TOP3B: variants seen among roughly 807,000 people sequenced by gnomAD.
TOP3B encodes the protein DNA topoisomerase III beta.
Under a neutral mutation model 93.9 loss-of-function variants are expected in TOP3B, and 45 were observed. That is an observed-to-expected ratio of 0.48 (90% confidence interval 0.38 to 0.61). The LOEUF is 0.61. Among genes scored for constraint, TOP3B ranks in the 20% least tolerant of loss-of-function variants. The probability of loss-of-function intolerance (pLI) is 0.00; values close to 1 mark genes in which losing one functional copy is unlikely to be tolerated. For synonymous variants in TOP3B, 357 were observed against 472.6 expected (o/e 0.76, Z 3.17); for missense variants, 750 against 1,156.1 (o/e 0.65, Z 5.09).
At chr22:21,961,629 G>T in intron 13 of TOP3B, 1 of 153,046 alleles carries the variant, frequency 6.5e-6, no homozygotes, top group Non-Finnish European at 1.5e-5. Flanking sequence ...AGATCGCCAT[G>T]GTCACCAGGA....
intron 14 of TOP3B, 162 bp downstream of exon 14, chr22:21,960,159 G>C (rs532369690): frequency 5.2e-5 from 57 of 1,093,952 alleles, no homozygotes; most frequent in Middle Eastern, 6.1e-4. Flanking sequence ...CAGGTCCTGG[G>C]GGTCCTGGGG....
In TOP3B at chr22:21,970,662, G is replaced by C; in HGVS notation, c.385-256C>G. On this transcript the variant is annotated intron_variant, in intron 5 of 17. Coordinates refer to ENST00000357179, the MANE Select transcript of TOP3B (RefSeq NM_001282112.2). This position sits in a 1 kb window ranked among gnomAD's most constrained non-coding sequence, Gnocchi z 4.4. ...TTTACTCCCATCTAGAAACATACTCGAACACTCCCTTCTTACTCCCGCCCT... is the reference window on the plus strand; with the variant it reads ...TTTACTCCCATCTAGAAACATACTCCAACACTCCCTTCTTACTCCCGCCCT... The C allele has an allele frequency of 1.9e-6, 1 of 532,480 alleles. No individual in the cohort carries two copies. The highest frequency in any genetic ancestry group is 3.4e-6 in the Non-Finnish European group (1 of 294,106). 33.0% of individuals were successfully genotyped at this position (532,480 alleles called of 1,614,324 possible). A position where few individuals can be genotyped will look rare whatever the true frequency, so the allele number is the denominator to read the frequency against.
chr22:21,971,157 C>T lies in TOP3B; in HGVS notation c.384+720G>A. 1.3e-6 allele frequency: 1 copy of T among 791,978 alleles called. No homozygotes were observed. Among genetic ancestry groups the T allele is most frequent in the Non-Finnish European group, 1.8e-6 (1 of 544,536 alleles). 49.1% of individuals were successfully genotyped at this position (791,978 alleles called of 1,614,324 possible). On this transcript the variant is annotated intron_variant, in intron 5 of 17. Coordinates refer to ENST00000357179, the MANE Select transcript of TOP3B (RefSeq NM_001282112.2). The surrounding 1 kb of genome is among the most constrained non-coding windows in gnomAD (Gnocchi z 4.6). Reference sequence around the variant, plus strand: ...CGCCCTGCAGGGGAGGAGAGGGTATCTGGGAAGAGACAGAGTGTGATCGCA... The same window carrying T: ...CGCCCTGCAGGGGAGGAGAGGGTATTTGGGAAGAGACAGAGTGTGATCGCA...
At chr22:21,981,051 G>C (rs2084620547) in intron 1 of TOP3B, among the ~76,000 whole-genome samples, 1 of 152,302 alleles carries the variant, frequency 6.6e-6, no homozygotes, top group Admixed American at 6.5e-5. Context: ...GAGGCCAAAA[G>C]GGAAAACTCG....
At chr22:21,958,921 G>T in intron 16 of TOP3B, 1 of 1,027,266 alleles carries the variant, frequency 9.7e-7, no homozygotes, top group Non-Finnish European at 1.4e-6. Flanking sequence ...CATGGTGTTA[G>T]GGAAAAATGC....
In TOP3B at chr22:21,962,583, G is replaced by A; in HGVS notation, c.1371C>T (p.Pro457=). 1 of 1,613,304 alleles carries A rather than the reference G, an allele frequency of 6.2e-7. No homozygotes were observed. The highest frequency in any genetic ancestry group is 8.5e-7 in the Non-Finnish European group (1 of 1,179,888). Residue 457 remains proline (P), a synonymous_variant, in exon 13 of 18, where the codon CCC becomes CCT. Coordinates refer to ENST00000357179, the MANE Select transcript of TOP3B (RefSeq NM_001282112.2). Reference sequence around the variant, plus strand: ...TCTCCTCCAGGGGCACGCTCTGCCAGGGCATGACCTCCGTGAAGCCTGGAG... The same window carrying A: ...TCTCCTCCAGGGGCACGCTCTGCCAAGGCATGACCTCCGTGAAGCCTGGAG... ...VLSPGFTEVM[P]WQSVPLEESL... is the part of the protein sequence containing the mutation.
Position 21,962,434 on chromosome 22 carries a change from C to A in TOP3B, c.1520G>T (p.Gly507Val). ...GCCTGGGCAGGCGCACCCACCGATG[C>A]CATGCTTCTCCATGAGCGTGATGAG... ...AELITLMEKH[G>V]IGTDASIPVH... Residue 507 changes from glycine (G) to valine (V), a missense_variant, in exon 13 of 18, where the codon GGC becomes GTC. Transcript: ENST00000357179. 3 of 1,613,548 alleles carry A rather than the reference C, an allele frequency of 1.9e-6. No homozygotes were observed. The highest frequency in any genetic ancestry group is 2.5e-6 in the Non-Finnish European group (3 of 1,180,024).
chr22:21,969,415 A>C (rs1385277076), intron 6 of TOP3B: 1 of 152,172 alleles, frequency 6.6e-6, no homozygotes, highest in Non-Finnish European at 1.5e-5. Context: ...AGCCTGGCCA[A>C]CATGGTGAAA....
intron 2 of TOP3B, 92 bp downstream of exon 2, chr22:21,975,548 C>T: frequency 7.1e-7 from 1 of 1,400,342 alleles, no homozygotes; most frequent in South Asian, 1.5e-5. Context: ...ACCAAATCTA[C>T]CCCAGCCAGG....
intron 4 of TOP3B, chr22:21,972,364 G>A (rs1044467403): frequency 1.1e-5 from 5 of 472,358 alleles, no homozygotes; most frequent in Non-Finnish European, 1.9e-5. Flanking sequence ...AAAACCCCCC[G>A]ACCAAACAAG....
At chr22:21,958,285 C>A in intron 17 of TOP3B, 3 of 1,417,778 alleles carry the variant, frequency 2.1e-6, no homozygotes, top group South Asian at 2.9e-5. Context: ...GTTGCCTGCT[C>A]GATTCTGACA....
At chr22:21,962,647 C>T in intron 12 of TOP3B, 45 bp from the exon 13 acceptor site, 1 of 1,605,562 alleles carries the variant, frequency 6.2e-7, no homozygotes, top group Non-Finnish European at 8.5e-7. Flanking sequence ...GCCTGGGTGG[C>T]CGGGGCCTCA....
Position 21,963,116 on chromosome 22 carries a change from T to C in TOP3B, c.1205-223A>G. 1 of 526,404 alleles carries C rather than the reference T, an allele frequency of 1.9e-6. No homozygotes were observed. The highest frequency in any genetic ancestry group is 3.4e-6 in the Non-Finnish European group (1 of 292,108). The allele number at this position is 526,404 out of a possible 1,614,324, so 32.6% of individuals were successfully genotyped here. Reference sequence around the variant, plus strand: ...TGGGAGGCTAAGGTGGATGGATCACTTGAGGTCAGGAGTTTGAGACCAGCC... The same window carrying C: ...TGGGAGGCTAAGGTGGATGGATCACCTGAGGTCAGGAGTTTGAGACCAGCC... On this transcript the variant is annotated intron_variant, in intron 11 of 17. Transcript: ENST00000357179. The surrounding 1 kb of genome is among the most constrained non-coding windows in gnomAD (Gnocchi z 4.8).
chr22:21,974,718 C>T (rs764885979), intron 2 of TOP3B: 18 of 382,832 alleles, frequency 4.7e-5, no homozygotes, highest in Middle Eastern at 6.9e-4. Context: ...CGATGCAGAG[C>T]CCCAGGCTGC....
Position 21,965,345 on chromosome 22 carries a change from T to G in TOP3B, c.883A>C (p.Lys295Gln). ...VEATSRKEKA[K>Q]QRPLALNTVE... The stretch of plus-strand genomic sequence containing the variant: ...GTGTTCAGGGCCAGGGGCCTCTGCT[T>G]GGCCTTTTCTTTCCTGCTTGTGGCC... Residue 295 changes from lysine (K) to glutamine (Q), a missense_variant, in exon 9 of 18, where the codon AAG (lysine) becomes CAG (glutamine). Coordinates refer to ENST00000357179, the MANE Select transcript of TOP3B (RefSeq NM_001282112.2). 6.2e-7 allele frequency: 1 copy of G among 1,607,832 alleles called. No homozygotes were observed. The highest frequency in any genetic ancestry group is 1.3e-5 in the African/African-American group (1 of 74,728).
Position 21,970,678 on chromosome 22 carries a change from C to T in TOP3B, c.385-272G>A. On this transcript the variant is annotated intron_variant, in intron 5 of 17. Transcript: ENST00000357179. This position sits in a 1 kb window ranked among gnomAD's most constrained non-coding sequence, Gnocchi z 4.4. ...AACATACTCGAACACTCCCTTCTTA[C>T]TCCCGCCCTCTCTTCTAATCCTCTG... 2.0e-6 allele frequency: 1 copy of T among 491,518 alleles called. No homozygotes were observed. Among genetic ancestry groups the T allele is most frequent in the Non-Finnish European group, 3.7e-6 (1 of 267,864 alleles). The allele number at this position is 491,518 out of a possible 1,614,324, so 30.4% of individuals were successfully genotyped here. A position where few individuals can be genotyped will look rare whatever the true frequency, so the allele number is the denominator to read the frequency against.
At chr22:21,968,481 C>T in intron 7 of TOP3B, 138 bp downstream of exon 7, 12 of 1,135,724 alleles carry the variant, frequency 1.1e-5, no homozygotes, top group Middle Eastern at 3.1e-4. Context: ...GCCCTAGGCA[C>T]CACAGACCAC....
rs371107162 is a variant in TOP3B at position 21,967,635 on chromosome 22, A to G, written c.820T>C (p.Leu274=). 9 of 1,614,012 alleles carry G rather than the reference A, an allele frequency of 5.6e-6. No homozygotes were observed. The highest frequency in any genetic ancestry group is 7.6e-6 in the Non-Finnish European group (9 of 1,180,008). ...TCCTTCTCCAGCTTTGTCATGTTTAAAAACATCTGTGCGATCTCCCGGTCA... is the reference window on the plus strand; with the variant it reads ...TCCTTCTCCAGCTTTGTCATGTTTAGAAACATCTGTGCGATCTCCCGGTCA... ...VFDREIAQMF[L]NMTKLEKEAQ... is the part of the protein sequence containing the mutation. The change falls in exon 8 of 18, where the codon TTA becomes CTA. Residue 274 remains leucine, a synonymous_variant. Coordinates refer to ENST00000357179, the MANE Select transcript of TOP3B (RefSeq NM_001282112.2).
chr22:21,977,419 C>T (rs374557212), intron 1 of TOP3B: 1 of 150,188 alleles, frequency 6.7e-6, no homozygotes, highest in East Asian at 2.0e-4. Context: ...ATCCCAGCTG[C>T]TTGGGAGGCT....
Sources: gnomAD v4.1 joint callset for allele counts (sites outside exome capture counted in the v4.1 genomes callset) on GRCh38, gnomAD v4.1.1 for gene constraint, Gnocchi (gnomAD v3.1) non-coding constraint, MANE v1.5 for transcripts, NCBI Gene and HGNC (gene_info 2026-07-23, HGNC 2026-07-21) for gene names.